The following ERC2 variants were observed in gnomAD, a reference collection of about 807,000 sequenced individuals.
The protein encoded by ERC2 is ERC protein 2.
In ERC2, 42 loss-of-function variants were observed where a neutral mutation model predicts 114.8. The observed-to-expected ratio is 0.37, with a 90% CI of 0.29 to 0.47. The LOEUF (loss-of-function observed/expected upper bound fraction) is 0.47, where lower values mean the gene tolerates loss of function less well. Among genes scored for constraint, ERC2 ranks in the 20% least tolerant of loss-of-function variants. ERC2 has a pLI of 0.99. For missense variants in ERC2, 939 were observed against 1,150.7 expected, an observed-to-expected ratio of 0.82 and a Z score of 2.66; for synonymous variants, 454 against 425.5, an observed-to-expected ratio of 1.07 and a Z score of -0.82.
At chr3:55,888,689 C>A in intron 13 of ERC2, 140 bp from the exon 14 acceptor site, 4 of 988,314 alleles carry the variant, frequency 4.0e-6, no homozygotes, top group Non-Finnish European at 6.0e-6. Context: ...GGAGCCCTTT[C>A]TTTCTTTGTC....
At chr3:55,551,104 G>A (rs926068138) in intron 17 of ERC2, among the ~76,000 whole-genome samples, 2 of 151,616 alleles carry the variant, frequency 1.3e-5, no homozygotes, top group Non-Finnish European at 2.9e-5. Context: ...AACAGTATGT[G>A]TGTGTGTGTA....
chr3:56,166,836 A>G (rs1166620543), intron 4 of ERC2, among the ~76,000 whole-genome samples: 2 of 152,076 alleles, frequency 1.3e-5, no homozygotes, highest in Non-Finnish European at 2.9e-5. Flanking sequence ...CTTCAAAAAA[A>G]CAGCATTTAG....
At chr3:55,642,583 C>T (rs895949442) in intron 17 of ERC2, among the ~76,000 whole-genome samples, 9 of 152,106 alleles carry the variant, frequency 5.9e-5, no homozygotes, top group Admixed American at 3.9e-4. Flanking sequence ...GATCTGCCTG[C>T]CTACCAAAGT....
rs1333347185 is a variant in ERC2 at position 56,296,141 on chromosome 3, G to C, written c.952C>G (p.Pro318Ala). Residue 318 changes from proline (P) to alanine (A), a missense_variant, in exon 3 of 18, where the codon CCA (proline) becomes GCA (alanine). Around this residue, in one of 5 missense-constraint regions of ERC2, gnomAD observed 148 missense variants for 159.1 expected, o/e 0.93. Transcript: ENST00000288221. ...TTGTCATCCTCCAGGCTTTTGGATGGCAAGCCTTTACTTTGCAACATCTCA... is the reference window on the plus strand; with the variant it reads ...TTGTCATCCTCCAGGCTTTTGGATGCCAAGCCTTTACTTTGCAACATCTCA... ...LLEMLQSKGL[P>A]SKSLEDDNER... is the part of the protein sequence containing the mutation. 1.2e-6 allele frequency: 2 copies of C among 1,613,856 alleles called. No homozygotes were observed. The highest frequency in any genetic ancestry group is 2.7e-5 in the African/African-American group (2 of 74,934).
chr3:55,895,247 G>T (rs542230519), intron 13 of ERC2, among the ~76,000 whole-genome samples: 1 of 152,268 alleles, frequency 6.6e-6, no homozygotes, highest in Admixed American at 6.5e-5. Flanking sequence ...TGTTGATGCC[G>T]TGGTCACACT....
chr3:56,150,387 A>G (rs2081355433), intron 4 of ERC2, among the ~76,000 whole-genome samples: 1 of 152,136 alleles, frequency 6.6e-6, no homozygotes, highest in Admixed American at 6.6e-5. Flanking sequence ...ATTATCATTA[A>G]CATTGTCATC....
At chr3:55,771,814 A>G (rs2068226144) in intron 14 of ERC2, among the ~76,000 whole-genome samples, 1 of 152,208 alleles carries the variant, frequency 6.6e-6, no homozygotes, top group Non-Finnish European at 1.5e-5. Flanking sequence ...CAGGCTCTCC[A>G]CCTGTAATGG....
intron 17 of ERC2, among the ~76,000 whole-genome samples, chr3:55,522,160 GAGTTTCCCCGCAACAAA>G (rs968156708): frequency 6.6e-6 from 1 of 152,134 alleles, no homozygotes; most frequent in African/African-American, 2.4e-5. Context: ...CACCAATTCA[GAGTTTCCCCGCAACAAA>G]AGGAAATAGT....
At chr3:55,650,821 G>A (rs1460953067) in intron 17 of ERC2, among the ~76,000 whole-genome samples, 2 of 148,804 alleles carry the variant, frequency 1.3e-5, no homozygotes, top group Non-Finnish European at 1.5e-5. Flanking sequence ...TACGGCCTTT[G>A]TGTCTGCCTC....
chr3:56,056,740 G>C (rs565677832), intron 7 of ERC2, among the ~76,000 whole-genome samples: 1 of 152,136 alleles, frequency 6.6e-6, no homozygotes, highest in Admixed American at 6.5e-5. Flanking sequence ...GTCTCTTAGA[G>C]CTCTCAATCC....
At chr3:55,582,908 C>A (rs2057330779) in intron 17 of ERC2, among the ~76,000 whole-genome samples, 1 of 152,200 alleles carries the variant, frequency 6.6e-6, no homozygotes, top group Non-Finnish European at 1.5e-5. Flanking sequence ...AGCCCTGAGT[C>A]TGAATAATGA....
chr3:55,601,510 G>A (rs1475104277), intron 17 of ERC2, among the ~76,000 whole-genome samples: 1 of 152,176 alleles, frequency 6.6e-6, no homozygotes, highest in Admixed American at 6.5e-5. Context: ...CATTCACACT[G>A]GTTGTGTGCA....
At chr3:55,732,970 C>T (rs1184039179) in intron 15 of ERC2, among the ~76,000 whole-genome samples, 1 of 152,152 alleles carries the variant, frequency 6.6e-6, no homozygotes, top group Admixed American at 6.5e-5. Context: ...GCAAGTGTCT[C>T]CTTAGCAGCT....
intron 6 of ERC2, among the ~76,000 whole-genome samples, chr3:56,103,176 T>C (rs986938886): frequency 2.1e-4 from 32 of 152,060 alleles, no homozygotes; most frequent in Admixed American, 6.5e-4. Context: ...TAATTTGAGA[T>C]GAGATGATCT....
chr3:55,814,945 C>A (rs1005383056), intron 14 of ERC2, among the ~76,000 whole-genome samples: 1 of 152,174 alleles, frequency 6.6e-6, no homozygotes, highest in Non-Finnish European at 1.5e-5. Context: ...ACAAGATACC[C>A]CATCCAGAAT....
chr3:55,684,226 T>C (rs2062210293), intron 16 of ERC2, among the ~76,000 whole-genome samples: 1 of 152,176 alleles, frequency 6.6e-6, no homozygotes, highest in Admixed American at 6.5e-5. Flanking sequence ...ACCTTTTAAG[T>C]AAGCAGAGAA....
chr3:55,787,958 A>G (rs1408318881), intron 14 of ERC2, among the ~76,000 whole-genome samples: 1 of 152,226 alleles, frequency 6.6e-6, no homozygotes, highest in African/African-American at 2.4e-5. Context: ...TACCCAGGCC[A>G]TAGTATTATT....
intron 3 of ERC2, among the ~76,000 whole-genome samples, chr3:56,262,022 T>C (rs530017994): frequency 1.8e-4 from 27 of 152,354 alleles, no homozygotes; most frequent in African/African-American, 5.8e-4. Flanking sequence ...GCTCCATCCA[T>C]GTCCTTGCAA....
chr3:56,213,391 C>A (rs1352089022), intron 3 of ERC2, among the ~76,000 whole-genome samples: 1 of 152,152 alleles, frequency 6.6e-6, no homozygotes, highest in Non-Finnish European at 1.5e-5. Flanking sequence ...CTCAGAGGGT[C>A]CTACGCCCAC....
Sources: gnomAD v4.1 joint callset for allele counts (sites outside exome capture counted in the v4.1 genomes callset) on GRCh38, gnomAD v4.1.1 for gene constraint, gnomAD v4.1.1 regional missense constraint, MANE v1.5 for transcripts, NCBI Gene and HGNC (gene_info 2026-07-23, HGNC 2026-07-21) for gene names.